WDR70: variants seen among roughly 807,000 people sequenced by gnomAD.
WDR70 encodes WD repeat domain 70.
In WDR70, 53 loss-of-function variants were observed where a neutral mutation model predicts 88.6. The ratio of observed to expected loss-of-function variants is 0.60; its 90% CI spans 0.48 to 0.75. The LOEUF is 0.75. WDR70 is among the 30% of genes least tolerant of loss of function. The pLI, the probability that WDR70 is intolerant of heterozygous loss-of-function variation, is 0.00. For synonymous variants in WDR70, 280 were observed against 270.0 expected (o/e 1.04, Z -0.36); for missense variants, 610 against 823.2 (o/e 0.74, Z 3.17).
intron 8 of WDR70, among the ~76,000 whole-genome samples, chr5:37,487,627 A>ATTTT (rs70978825): frequency 4.3e-5 from 3 of 69,068 alleles, no homozygotes; most frequent in African/African-American, 1.5e-4. Flanking sequence ...ATATATATGT[A>ATTTT]TTTTTTTTTT....
intron 6 of WDR70, among the ~76,000 whole-genome samples, chr5:37,438,795 A>G (rs1750562011): frequency 6.6e-6 from 1 of 152,046 alleles, no homozygotes; most frequent in Admixed American, 6.6e-5. Context: ...TAGTGGGTTT[A>G]TTGTTATTTT....
At chr5:37,628,506 A>G (rs541816077) in intron 10 of WDR70, among the ~76,000 whole-genome samples, 2 of 152,194 alleles carry the variant, frequency 1.3e-5, no homozygotes, top group African/African-American at 2.4e-5. Context: ...CTTGAAGTCT[A>G]TTTTGTCTGA....
chr5:37,387,021 C>G (rs1396912803), intron 3 of WDR70, among the ~76,000 whole-genome samples: 1 of 151,846 alleles, frequency 6.6e-6, no homozygotes, highest in East Asian at 1.9e-4. Context: ...ATCGCTTGAA[C>G]CTGGGAGGCG....
chr5:37,711,878 CTTG>C (rs1747520877), intron 13 of WDR70, among the ~76,000 whole-genome samples: 1 of 151,490 alleles, frequency 6.6e-6, no homozygotes, highest in African/African-American at 2.4e-5. Flanking sequence ...CTATTATATT[CTTG>C]TTGGGACTAA....
chr5:37,699,472 T>G (rs535460631), intron 11 of WDR70, among the ~76,000 whole-genome samples: 1 of 151,628 alleles, frequency 6.6e-6, no homozygotes, highest in South Asian at 2.1e-4. Flanking sequence ...GTATGCTGTA[T>G]TCCATCGTTT....
intron 9 of WDR70, among the ~76,000 whole-genome samples, chr5:37,592,653 A>G (rs2112449257): frequency 6.6e-6 from 1 of 152,236 alleles, no homozygotes; most frequent in Admixed American, 6.5e-5. Flanking sequence ...GGATATTTGG[A>G]TTAGGGATGT....
chr5:37,637,299 T>G (rs1744996644), intron 10 of WDR70, among the ~76,000 whole-genome samples: 2 of 151,440 alleles, frequency 1.3e-5, no homozygotes, highest in Admixed American at 1.3e-4. Flanking sequence ...CAAGATCGCC[T>G]GGGCTACAGA....
Position 37,697,666 on chromosome 5 carries a change from G to T in WDR70, c.1104G>T (p.Lys368Asn), listed in dbSNP as rs998225214. The stretch of plus-strand genomic sequence containing the variant: ...GTCTTTGTGAATAGGTTCATCCTAA[G>T]TTCCACTATAAACAGGCTCATGACT... ...IWDRNLTVHP[K>N]FHYKQAHDSG... The change falls in exon 11 of 18, where the codon AAG becomes AAT. Residue 368 changes from lysine (K) to asparagine (N), a missense_variant. Transcript: ENST00000265107. 2.5e-5 allele frequency: 41 copies of T among 1,613,546 alleles called. No homozygotes were observed. Among genetic ancestry groups the T allele is most frequent in the Non-Finnish European group, 3.3e-5 (39 of 1,179,686 alleles).
At chr5:37,528,908 GTT>G (rs1228946391) in intron 9 of WDR70, among the ~76,000 whole-genome samples, 1 of 137,564 alleles carries the variant, frequency 7.3e-6, no homozygotes, top group Non-Finnish European at 1.5e-5. Context: ...TCTAGAGGGG[GTT>G]TTTTTTTTTT....
In WDR70 at chr5:37,747,120, G is replaced by A. The variant is rs373366315; in HGVS notation, c.1878-5366G>A. On this transcript the variant is annotated intron_variant, in intron 17 of 17. Coordinates refer to ENST00000265107, the MANE Select transcript of WDR70 (RefSeq NM_018034.4). Reference sequence around the variant, plus strand: ...GGGATGCAAGGCTGGTTCAACATACGTAAATCAATAAACATAATCCATCAC... The same window carrying A: ...GGGATGCAAGGCTGGTTCAACATACATAAATCAATAAACATAATCCATCAC... 4.4e-4 allele frequency among the ~76,000 whole-genome samples: 67 copies of A among 152,168 alleles called. 2 individuals are homozygous for A. The South Asian group carries it at 9.3e-3, about 21-fold the overall frequency.
At chr5:37,621,631 C>G (rs867575477) in intron 10 of WDR70, among the ~76,000 whole-genome samples, 13 of 152,078 alleles carry the variant, frequency 8.5e-5, no homozygotes, top group Non-Finnish European at 1.3e-4. Flanking sequence ...GATATTAGCC[C>G]TTTGTTAGAT....
Position 37,752,542 on chromosome 5 carries a change from A to T in WDR70, c.1934A>T (p.Asn645Ile), listed in dbSNP as rs749015220. The change falls in exon 18 of 18, where the codon AAT becomes ATT. Residue 645 changes from asparagine to isoleucine, a missense_variant. Asn to Ile is a moderately radical substitution (Grantham distance 149, BLOSUM62 -3). Transcript: ENST00000265107. ...GAATCTGATGATGAGGAAGCAAAGA[A>T]TGAGCCAGAATGGAAAAAACGTAAA... is the stretch of plus-strand genomic sequence containing the variant. ...QVESDDEEAK[N>I]EPEWKKRKI The T allele has an allele frequency of 6.8e-6, 11 of 1,613,020 alleles. No individual in the cohort carries two copies. The highest frequency in any genetic ancestry group is 9.3e-6 in the Non-Finnish European group (11 of 1,179,436).
chr5:37,567,769 T>C (rs1742786510), intron 9 of WDR70, among the ~76,000 whole-genome samples: 1 of 152,102 alleles, frequency 6.6e-6, no homozygotes, highest in South Asian at 2.1e-4. Context: ...CAGATCGCAG[T>C]GTTCTATCTT....
chr5:37,513,200 T>C (rs1030570603), intron 8 of WDR70, among the ~76,000 whole-genome samples: 1 of 152,226 alleles, frequency 6.6e-6, no homozygotes, highest in Non-Finnish European at 1.5e-5. Context: ...ATGGCTATTA[T>C]TAAGGAAATG....
chr5:37,380,116 G>C (rs939055374), intron 2 of WDR70, among the ~76,000 whole-genome samples: 2 of 152,124 alleles, frequency 1.3e-5, no homozygotes, highest in Admixed American at 6.6e-5. Context: ...ACAAAACTTA[G>C]TAGACTGATA....
At chr5:37,497,435 T>TTCCCTTCCGTCTTCCCG (rs1740260844) in intron 8 of WDR70, among the ~76,000 whole-genome samples, 1 of 120,974 alleles carries the variant, frequency 8.3e-6, no homozygotes, top group African/African-American at 3.3e-5. Flanking sequence ...CCCTCTTCCC[T>TTCCCTTCCGTCTTCCCG]TCCCTTCCGT....
Position 37,379,498 on chromosome 5 carries a change from C to G in WDR70, c.35C>G (p.Ser12Ter). The G allele has an allele frequency of 1.2e-6, 2 of 1,613,984 alleles. No homozygotes were observed. The highest frequency in any genetic ancestry group is 1.7e-6 in the Non-Finnish European group (2 of 1,179,882). ...TTTCCTCTTGCTCCAGTGACAGGCTCAGACGCGTCGGGACCGGACCCGCAG... is the reference window on the plus strand; with the variant it reads ...TTTCCTCTTGCTCCAGTGACAGGCTGAGACGCGTCGGGACCGGACCCGCAG... ...ERSGPSEVTG[S>*]DASGPDPQLA... The change falls in exon 2 of 18, where the codon TCA (serine) becomes TGA (stop). Residue 12 changes from serine (S) to a stop codon, truncating the protein, a stop_gained. Coordinates refer to ENST00000265107, the MANE Select transcript of WDR70 (RefSeq NM_018034.4). LOFTEE classifies it high-confidence loss of function.
chr5:37,566,030 TCA>T (rs1416327951), intron 9 of WDR70, among the ~76,000 whole-genome samples: 5 of 152,138 alleles, frequency 3.3e-5, no homozygotes, highest in South Asian at 2.1e-4. Context: ...TTTAGTATAC[TCA>T]CAGAGTTGTG....
At chr5:37,653,507 A>T (rs1261726662) in intron 10 of WDR70, among the ~76,000 whole-genome samples, 1 of 152,176 alleles carries the variant, frequency 6.6e-6, no homozygotes, top group Non-Finnish European at 1.5e-5. Flanking sequence ...TAGTTTCAGA[A>T]GGGATGGTAC....
Sources: allele counts gnomAD v4.1 joint callset (sites outside exome capture counted in the v4.1 genomes callset), GRCh38; gene constraint gnomAD v4.1.1; transcripts MANE v1.5; gene names NCBI Gene and HGNC (gene_info 2026-07-23, HGNC 2026-07-21).